Variants in CFAP299 observed in about 807,000 individuals in gnomAD.
CFAP299 encodes the protein cilia- and flagella-associated protein 299.
Under a neutral mutation model 27.0 loss-of-function variants are expected in CFAP299, and 21 were observed. The ratio of observed to expected loss-of-function variants is 0.78; its 90% CI spans 0.55 to 1.12. The LOEUF is 1.12. Among genes scored for constraint, CFAP299 ranks in the 50% most tolerant of loss-of-function variants. The pLI is 0.00. For missense variants in CFAP299, 310 were observed against 276.6 expected, an observed-to-expected ratio of 1.12 and a Z score of -0.86; for synonymous variants, 104 against 98.1, an observed-to-expected ratio of 1.06 and a Z score of -0.36.
chr4:80,698,587 T>C (rs545484971), intron 3 of CFAP299, among the ~76,000 whole-genome samples: 2 of 152,298 alleles, frequency 1.3e-5, no homozygotes, highest in Non-Finnish European at 2.9e-5. Context: ...TGCAAAATAT[T>C]TCCAACACAG....
At chr4:80,910,985 G>A (rs1735441597) in intron 4 of CFAP299, among the ~76,000 whole-genome samples, 4 of 151,778 alleles carry the variant, frequency 2.6e-5, no homozygotes, top group African/African-American at 7.3e-5. Context: ...ATTCAATAAC[G>A]TTATCTTACT....
chr4:80,612,464 A>G (rs1041440117), intron 3 of CFAP299, among the ~76,000 whole-genome samples: 1 of 152,118 alleles, frequency 6.6e-6, no homozygotes, highest in African/African-American at 2.4e-5. Flanking sequence ...AATCTGTAGT[A>G]TCTATTTCAA....
chr4:80,611,210 A>G (rs796660238), intron 3 of CFAP299, among the ~76,000 whole-genome samples: 5 of 152,224 alleles, frequency 3.3e-5, no homozygotes, highest in African/African-American at 1.2e-4. Context: ...GTCTTTTCAC[A>G]AAAGATATTA....
intron 4 of CFAP299, chr4:80,870,514 G>T (rs1733019117): frequency 1.0e-6 from 1 of 992,452 alleles, no homozygotes; most frequent in East Asian, 1.1e-4. Flanking sequence ...CAGCCAAAGT[G>T]CTGGCCCCTG....
At chr4:80,522,883 C>G (rs1732992187) in intron 2 of CFAP299, among the ~76,000 whole-genome samples, 1 of 151,972 alleles carries the variant, frequency 6.6e-6, no homozygotes, top group Non-Finnish European at 1.5e-5. Flanking sequence ...CAGTACCATA[C>G]TATTTTGATT....
At position 80,625,989 on chromosome 4, in the gene CFAP299, A is replaced by T. The variant is rs115282048; in HGVS notation, c.333+42806A>T. Among the ~76,000 whole-genome samples the T allele has an allele frequency of 6.8e-3, 1,029 of 152,076 alleles. 13 individuals carry two copies. Among genetic ancestry groups the T allele is most frequent in the African/African-American group, 0.024 (988 of 41,550 alleles). On this transcript the variant is annotated intron_variant, in intron 3 of 5. Coordinates refer to ENST00000358105, the MANE Select transcript of CFAP299 (RefSeq NM_152770.3). ...AAATGGGCAGATCATTCACACAGAAAATCAATAAGGAAACAGTAAACTAAA... is the reference window on the plus strand; with the variant it reads ...AAATGGGCAGATCATTCACACAGAATATCAATAAGGAAACAGTAAACTAAA...
At chr4:80,556,166 G>A (rs1324362589) in intron 2 of CFAP299, among the ~76,000 whole-genome samples, 2 of 151,798 alleles carry the variant, frequency 1.3e-5, no homozygotes, top group African/African-American at 4.8e-5. Flanking sequence ...CTTTAAATTG[G>A]AGCCCTGGAA....
At chr4:80,846,820 C>T (rs1001535344) in intron 3 of CFAP299, among the ~76,000 whole-genome samples, 1 of 152,080 alleles carries the variant, frequency 6.6e-6, no homozygotes, top group Non-Finnish European at 1.5e-5. Flanking sequence ...TTGCTTTCTC[C>T]TGAAGTCCTT....
chr4:80,512,815 A>G (rs113859323), intron 2 of CFAP299, among the ~76,000 whole-genome samples: 1 of 152,096 alleles, frequency 6.6e-6, no homozygotes, highest in African/African-American at 2.4e-5. Flanking sequence ...TATATATTAC[A>G]TGTAGTCCCA....
intron 2 of CFAP299, among the ~76,000 whole-genome samples, chr4:80,411,411 T>C (rs1045594993): frequency 3.9e-5 from 6 of 152,176 alleles, no homozygotes; most frequent in African/African-American, 9.6e-5. Context: ...TCTGAGTCTT[T>C]GTATTTCAAG....
chr4:80,595,155 C>A (rs970945533), intron 3 of CFAP299, among the ~76,000 whole-genome samples: 1 of 152,014 alleles, frequency 6.6e-6, no homozygotes, highest in Admixed American at 6.6e-5. Flanking sequence ...TTGTTTTAGC[C>A]CCACTTAACC....
chr4:80,541,852 T>A (rs933739091), intron 2 of CFAP299, among the ~76,000 whole-genome samples: 2 of 151,598 alleles, frequency 1.3e-5, no homozygotes, highest in Middle Eastern at 3.2e-3. Flanking sequence ...GTTGTAGGAG[T>A]TTCAAGTTGT....
At chr4:80,942,496 TACTA>T (rs1737250793) in intron 4 of CFAP299, among the ~76,000 whole-genome samples, 1 of 152,124 alleles carries the variant, frequency 6.6e-6, no homozygotes, top group Non-Finnish European at 1.5e-5. Flanking sequence ...TTTTATTAAA[TACTA>T]ATAATAATCA....
intron 2 of CFAP299, among the ~76,000 whole-genome samples, chr4:80,520,376 C>T (rs577588513): frequency 6.6e-6 from 1 of 152,308 alleles, no homozygotes; most frequent in South Asian, 2.1e-4. Flanking sequence ...TATCAGCATG[C>T]TTTCTGTGAT....
At chr4:80,499,800 AAAC>A (rs1335463524) in intron 2 of CFAP299, among the ~76,000 whole-genome samples, 3 of 152,140 alleles carry the variant, frequency 2.0e-5, no homozygotes, top group African/African-American at 4.8e-5. Flanking sequence ...TGAGCATTAA[AAAC>A]AACATTTCTT....
chr4:80,829,075 C>A (rs182630059), intron 3 of CFAP299, among the ~76,000 whole-genome samples: 9 of 151,804 alleles, frequency 5.9e-5, no homozygotes, highest in Non-Finnish European at 1.0e-4. Flanking sequence ...AAAAAATGGA[C>A]AAATTGGGCC....
chr4:80,345,032 T>C (rs1466095395), intron 1 of CFAP299, among the ~76,000 whole-genome samples: 1 of 152,166 alleles, frequency 6.6e-6, no homozygotes, highest in Non-Finnish European at 1.5e-5. Flanking sequence ...GACAATATCA[T>C]ACTGAATGGG....
chr4:80,747,342 A>G (rs1479910088), intron 3 of CFAP299, among the ~76,000 whole-genome samples: 4 of 152,080 alleles, frequency 2.6e-5, no homozygotes, highest in Admixed American at 6.6e-5. Context: ...CATGTGAGCA[A>G]TACAGTGCAC....
At chr4:80,938,017 C>T (rs1736999274) in intron 4 of CFAP299, among the ~76,000 whole-genome samples, 1 of 152,258 alleles carries the variant, frequency 6.6e-6, no homozygotes, top group African/African-American at 2.4e-5. Context: ...TACACTTTTA[C>T]TTCTCCCTCT....
Sources: allele counts gnomAD v4.1 joint callset (sites outside exome capture counted in the v4.1 genomes callset), GRCh38; gene constraint gnomAD v4.1.1; transcripts MANE v1.5; gene names NCBI Gene and HGNC (gene_info 2026-07-23, HGNC 2026-07-21).